Variants in LRP1 observed in about 807,000 individuals in gnomAD.
LRP1 encodes prolow-density lipoprotein receptor-related protein 1.
In LRP1, 51 loss-of-function variants were observed where a neutral mutation model predicts 541.5. The observed-to-expected ratio is 0.09, with a 90% CI of 0.08 to 0.12. The LOEUF (loss-of-function observed/expected upper bound fraction) is 0.12, where lower values mean the gene tolerates loss of function less well. Among genes scored for constraint, LRP1 ranks in the 10% least tolerant of loss-of-function variants. LRP1 has a pLI of 1.00. For synonymous variants in LRP1, 2,219 were observed against 2,470.8 expected (o/e 0.90, Z 3.02); for missense variants, 3,878 against 6,376.2 (o/e 0.61, Z 13.34).
intron 1 of LRP1, among the ~76,000 whole-genome samples, chr12:57,131,580 A>G (rs1163231181): frequency 6.6e-6 from 1 of 152,164 alleles, no homozygotes; most frequent in Admixed American, 6.5e-5. Context: ...TGGATCCCTG[A>G]GAGAAAGTTC....
At position 57,183,568 on chromosome 12, in the gene LRP1, T is replaced by C. The variant is rs971652039; in HGVS notation, c.5794+58T>C. 1.5e-5 allele frequency: 23 copies of C among 1,567,598 alleles called. 1 individual carries two copies. The Middle Eastern group carries it at 9.0e-4, about 62-fold the overall frequency. ...TGGCGTAGGAGCTTTAGGGGTGGTG[T>C]GGTGTGCCCTGAGGGTCCAGTGAGA... On this transcript the variant is annotated intron_variant, in intron 35 of 88. Coordinates refer to ENST00000243077, the MANE Select transcript of LRP1 (RefSeq NM_002332.3). The surrounding 1 kb of genome is among the most constrained non-coding windows in gnomAD (Gnocchi z 6.1).
rs1374820969 is a variant in LRP1, at chr12:57,162,068, G to A, written c.2203-249G>A. On this transcript the variant is annotated intron_variant, in intron 13 of 88. Transcript: ENST00000243077. The surrounding 1 kb of genome is among the most constrained non-coding windows in gnomAD (Gnocchi z 5.2). Reference sequence around the variant, plus strand: ...GGGGACTATGAATGAATAGGAATGAGCCCAGGAGAGGACCATATGGACAAC... The same window carrying A: ...GGGGACTATGAATGAATAGGAATGAACCCAGGAGAGGACCATATGGACAAC... Among the ~76,000 whole-genome samples the A allele has an allele frequency of 1.3e-5, 2 of 152,030 alleles. No homozygotes were observed. The highest frequency in any genetic ancestry group is 1.5e-5 in the Non-Finnish European group (1 of 67,994).
Position 57,177,790 on chromosome 12 carries a change from C to T in LRP1, c.4361+199C>T, listed in dbSNP as rs372607131. On this transcript the variant is annotated intron_variant, in intron 26 of 88. Transcript: ENST00000243077. The surrounding 1 kb of genome is among the most constrained non-coding windows in gnomAD (Gnocchi z 6.8). The stretch of plus-strand genomic sequence containing the variant: ...GAGGGGAGGGGGCAGGTAGAGGAGG[C>T]GGAAGCAGGGCCATCAGCTGTGGTT... 2.0e-5 allele frequency among the ~76,000 whole-genome samples: 3 copies of T among 152,050 alleles called. No homozygotes were observed. The highest frequency in any genetic ancestry group is 7.2e-5 in the African/African-American group (3 of 41,466).
chr12:57,134,799 TG>T (rs2035121038), intron 1 of LRP1, among the ~76,000 whole-genome samples: 1 of 152,100 alleles, frequency 6.6e-6, no homozygotes, highest in South Asian at 2.1e-4. Flanking sequence ...CCGCCTCCCC[TG>T]GTTCACGCCA....
chr12:57,191,441 T>G lies in LRP1; in HGVS notation c.7358T>G (p.Met2453Arg), dbSNP rs1046755444. 2 of 1,612,794 alleles carry G rather than the reference T, an allele frequency of 1.2e-6. No homozygotes were observed. The highest frequency in any genetic ancestry group is 1.7e-6 in the Non-Finnish European group (2 of 1,179,114). Residue 2453 changes from methionine to arginine, a missense_variant, in exon 44 of 89, where the codon ATG becomes AGG. By Grantham distance (91) the Met-to-Arg change is moderately conservative. This residue lies in a region of LRP1 where 1,100 missense variants were observed against 1,827.4 expected (regional missense o/e 0.60). Transcript: ENST00000243077. ...QRANKHVGSN[M>R]KLLRVDIPQQ... is the part of the protein sequence containing the mutation. ...GCCAACAAGCACGTGGGCAGCAACA[T>G]GAAGCTGCTGCGCGTGGACATCCCC...
At position 57,154,913 on chromosome 12, in the gene LRP1, C is replaced by T; in HGVS notation, c.1227+212C>T. On this transcript the variant is annotated intron_variant, in intron 8 of 88. Coordinates refer to ENST00000243077, the MANE Select transcript of LRP1 (RefSeq NM_002332.3). This position sits in a 1 kb window ranked among gnomAD's most constrained non-coding sequence, Gnocchi z 4.6. Reference sequence around the variant, plus strand: ...GTGATGGGAACAGTCATTTTAGAAACACCACTTCTGTTTACTTCCTGTTTC... The same window carrying T: ...GTGATGGGAACAGTCATTTTAGAAATACCACTTCTGTTTACTTCCTGTTTC... 1.6e-6 allele frequency: 1 copy of T among 609,478 alleles called. No individual in the cohort carries two copies. Among genetic ancestry groups the T allele is most frequent in the East Asian group, 2.7e-5 (1 of 36,470 alleles). The allele number at this position is 609,478 out of a possible 1,614,324, so 37.8% of individuals were successfully genotyped here.
intron 11 of LRP1, 26 bp from the exon 12 acceptor site, chr12:57,159,799 A>G (rs1164946495): frequency 6.2e-7 from 1 of 1,612,232 alleles, no homozygotes. Context: ...GAAGCTGTTC[A>G]TCACTGGTCC....
chr12:57,213,257 G>A lies in LRP1; in HGVS notation c.*702G>A, dbSNP rs901242396. The A allele has an allele frequency of 7.0e-6, 1 of 141,980 alleles. No homozygotes were observed. Among genetic ancestry groups the A allele is most frequent in the Non-Finnish European group, 1.5e-5 (1 of 66,814 alleles). 8.8% of individuals were successfully genotyped at this position (141,980 alleles called of 1,614,324 possible). On this transcript the variant is annotated 3_prime_UTR_variant, in exon 89 of 89. Coordinates refer to ENST00000243077, the MANE Select transcript of LRP1 (RefSeq NM_002332.3). ...CCAGGAAGGGAAAGCGGGCAGCCCC[G>A]TTTTGGGGACGTGAACGTTTTAATA... is the stretch of plus-strand genomic sequence containing the variant.
chr12:57,131,163 A>G (rs1015200096), intron 1 of LRP1, among the ~76,000 whole-genome samples: 1 of 152,130 alleles, frequency 6.6e-6, no homozygotes, highest in Admixed American at 6.5e-5. Flanking sequence ...TTAGTATGTT[A>G]CCTTCCTCCT....
chr12:57,158,670 AT>A lies in LRP1; in HGVS notation c.1798+33del. On this transcript the variant is annotated intron_variant, in intron 11 of 88. Coordinates refer to ENST00000243077, the MANE Select transcript of LRP1 (RefSeq NM_002332.3). This position sits in a 1 kb window ranked among gnomAD's most constrained non-coding sequence, Gnocchi z 5.3. The stretch of plus-strand genomic sequence containing the variant: ...GCTCCTAGGGATGTGGCCCATGGGG[AT>A]GGAAGGGGGCTGGGGCCCAGGCATC... The A allele has an allele frequency of 6.3e-7, 1 of 1,593,684 alleles. No individual in the cohort carries two copies. The highest frequency in any genetic ancestry group is 8.6e-7 in the Non-Finnish European group (1 of 1,162,694).
intron 48 of LRP1, 66 bp from the exon 49 acceptor site, chr12:57,194,288 G>C: frequency 6.7e-7 from 1 of 1,487,468 alleles, no homozygotes. Context: ...CATAGGGCTG[G>C]CAGCTGCCCC....
intron 1 of LRP1, among the ~76,000 whole-genome samples, chr12:57,135,980 C>T (rs2035153011): frequency 6.6e-6 from 1 of 152,160 alleles, no homozygotes; most frequent in South Asian, 2.1e-4. Context: ...GGACCAAGTC[C>T]CAGGTGGGTG....
intron 20 of LRP1, among the ~76,000 whole-genome samples, chr12:57,172,398 C>T (rs1056439026): frequency 4.6e-5 from 7 of 152,070 alleles, no homozygotes; most frequent in East Asian, 1.9e-4. Context: ...CTCGATCTCC[C>T]GACCTCGTGA....
In LRP1 at chr12:57,212,320, G is replaced by C. The variant is rs1404927947; in HGVS notation, c.13494+59G>C. 9 of 1,612,542 alleles carry C rather than the reference G, an allele frequency of 5.6e-6. No individual in the cohort carries two copies. Among genetic ancestry groups the C allele is most frequent in the Non-Finnish European group, 5.9e-6 (7 of 1,179,128 alleles). On this transcript the variant is annotated intron_variant, in intron 88 of 88. Transcript: ENST00000243077. The surrounding 1 kb of genome is among the most constrained non-coding windows in gnomAD (Gnocchi z 5.0). ...GAGGCCGTGGGTGGCCTAACCAAAG[G>C]TGTTGGGTTAGGTGAGGGACGGAGG...
At chr12:57,160,853 C>T (rs535017252) in intron 12 of LRP1, 40 bp from the exon 13 acceptor site, 51 of 1,529,592 alleles carry the variant, frequency 3.3e-5, no homozygotes, top group South Asian at 7.9e-5. Flanking sequence ...CTGTTGATGG[C>T]GGGGGTGCCC....
At chr12:57,171,458 G>A (rs528298852) in intron 20 of LRP1, among the ~76,000 whole-genome samples, 3 of 152,150 alleles carry the variant, frequency 2.0e-5, no homozygotes, top group East Asian at 1.9e-4. Context: ...AGGTGGAGCC[G>A]TTCAGACCGA....
In LRP1 at chr12:57,156,317, C is replaced by A. The variant is rs1423654517; in HGVS notation, c.1417+34C>A. ...GGCTCCATGGCCCCTCCAAAGCTGG[C>A]TTTACCCCATGATGGCTCTGGGACC... On this transcript the variant is annotated intron_variant, in intron 9 of 88. Transcript: ENST00000243077. This position sits in a 1 kb window ranked among gnomAD's most constrained non-coding sequence, Gnocchi z 5.2. 1.9e-6 allele frequency: 3 copies of A among 1,606,358 alleles called. No homozygotes were observed. Among genetic ancestry groups the A allele is most frequent in the Admixed American group, 3.4e-5 (2 of 59,440 alleles).
At chr12:57,137,165 C>T (rs111838967) in intron 1 of LRP1, among the ~76,000 whole-genome samples, 190 of 150,210 alleles carry the variant, frequency 1.3e-3, no homozygotes, top group African/African-American at 4.5e-3. Context: ...CACTTGAACC[C>T]GGGAGGCAGG....
In LRP1 at chr12:57,181,234, C is replaced by T; in HGVS notation, c.5605C>T (p.Arg1869Cys). ...QLCLPTSETT[R>C]SCMCTAGYSL... ...CTGCCTGCCCACGTCAGAGACGACCCGCTCCTGCATGTGCACAGCCGGCTA... is the reference window on the plus strand; with the variant it reads ...CTGCCTGCCCACGTCAGAGACGACCTGCTCCTGCATGTGCACAGCCGGCTA... The change falls in exon 34 of 89, where the codon CGC (arginine) becomes TGC (cysteine). Residue 1869 changes from arginine to cysteine, a missense_variant. Arg to Cys is a radical substitution (Grantham distance 180). This residue lies in a region of LRP1 where 394 missense variants were observed against 635.9 expected (regional missense o/e 0.62). Coordinates refer to ENST00000243077, the MANE Select transcript of LRP1 (RefSeq NM_002332.3). 4 of 1,613,684 alleles carry T rather than the reference C, an allele frequency of 2.5e-6. No individual in the cohort carries two copies. The highest frequency in any genetic ancestry group is 2.2e-5 in the East Asian group (1 of 44,884).
Sources: allele counts gnomAD v4.1 joint callset (sites outside exome capture counted in the v4.1 genomes callset), GRCh38; gene constraint gnomAD v4.1.1; regional missense constraint gnomAD v4.1.1; non-coding constraint Gnocchi (gnomAD v3.1); transcripts MANE v1.5; gene names NCBI Gene and HGNC (gene_info 2026-07-23, HGNC 2026-07-21).